The following SPARC variants were observed in gnomAD, a reference collection of about 807,000 sequenced individuals.
SPARC encodes the protein secreted protein acidic and cysteine rich.
SPARC carries 23 observed loss-of-function variants against 37.7 expected under a neutral mutation model. That is an observed-to-expected ratio of 0.61 (90% CI 0.44 to 0.87). The LOEUF is 0.87. SPARC is among the 40% of genes least tolerant of loss of function. The pLI, the probability that SPARC is intolerant of heterozygous loss-of-function variation, is 0.00. For missense variants in SPARC, 312 were observed against 389.0 expected, an observed-to-expected ratio of 0.80 and a Z score of 1.66; for synonymous variants, 155 against 150.8, an observed-to-expected ratio of 1.03 and a Z score of -0.20.
chr5:151,673,249 C>T (rs2113100186), intron 3 of SPARC, 33 bp from the exon 4 acceptor site: 2 of 1,435,360 alleles, frequency 1.4e-6, no homozygotes, highest in Non-Finnish European at 2.0e-6. Context: ...GGTGAAATGG[C>T]CCCACTCCCA....
intron 4 of SPARC, chr5:151,671,958 A>G: frequency 9.0e-6 from 4 of 444,976 alleles, no homozygotes; most frequent in Non-Finnish European, 1.6e-5. Flanking sequence ...TGGGACCCAG[A>G]AACACTAGAT....
In SPARC at chr5:151,667,595, G is replaced by A. The variant is rs1383594863; in HGVS notation, c.457C>T (p.Pro153Ser). ...LDYIGPCKYI[P>S]PCLDSELTEF... ...GTCAGCTCAGAGTCCAGGCAAGGGG[G>A]GATGTCTAGGTTCCAAACACAAGGG... Residue 153 changes from proline to serine, a missense_variant, in exon 7 of 10, where the codon CCC (proline) becomes TCC (serine). Physicochemically the swap from Pro to Ser is moderately conservative, Grantham distance 74. Coordinates refer to ENST00000231061, the MANE Select transcript of SPARC (RefSeq NM_003118.4). 1 of 1,613,932 alleles carries A rather than the reference G, an allele frequency of 6.2e-7. No homozygotes were observed. Among genetic ancestry groups the A allele is most frequent in the Non-Finnish European group, 8.5e-7 (1 of 1,179,990 alleles).
At chr5:151,677,478 G>A (rs1039542822) in intron 1 of SPARC, among the ~76,000 whole-genome samples, 9 of 152,064 alleles carry the variant, frequency 5.9e-5, no homozygotes, top group African/African-American at 1.7e-4. Context: ...GAGGTAACCC[G>A]GCATCATGGA....
intron 3 of SPARC, among the ~76,000 whole-genome samples, chr5:151,674,232 T>C (rs56091317): frequency 0.17 from 26,220 of 151,980 alleles, 4,097 homozygotes; most frequent in African/African-American, 0.42. Context: ...ACACTGGTCT[T>C]GAACTCCTGA....
At chr5:151,675,978 T>C (rs1251492119) in intron 2 of SPARC, among the ~76,000 whole-genome samples, 154 bp downstream of exon 2, 1 of 152,144 alleles carries the variant, frequency 6.6e-6, no homozygotes, top group Non-Finnish European at 1.5e-5. Flanking sequence ...TCCCAGTTTT[T>C]ATCCCGAGCT....
chr5:151,684,956 A>G (rs1457110384), intron 1 of SPARC: 1 of 152,166 alleles, frequency 6.6e-6, no homozygotes, highest in African/African-American at 2.4e-5. Context: ...AGGGCCTAGA[A>G]TTTGCTGCAG....
intron 4 of SPARC, 77 bp from the exon 5 acceptor site, chr5:151,671,771 A>C: frequency 5.2e-4 from 798 of 1,534,682 alleles, no homozygotes; most frequent in Middle Eastern, 6.9e-4. Context: ...GACAGATCTC[A>C]GGGCTGACAG....
intron 1 of SPARC, among the ~76,000 whole-genome samples, chr5:151,682,545 A>C (rs946270368): frequency 1.3e-5 from 2 of 151,932 alleles, no homozygotes; most frequent in Non-Finnish European, 2.9e-5. Flanking sequence ...CAATCGCTTG[A>C]CCTCTTCTCC....
chr5:151,664,012 T>TG, intron 9 of SPARC, 75 bp downstream of exon 9: 3 of 1,544,096 alleles, frequency 1.9e-6, no homozygotes, highest in Middle Eastern at 3.4e-4. Flanking sequence ...GAGCGGAGAG[T>TG]GGGGGGATGA....
At chr5:151,663,629 A>T in intron 9 of SPARC, 30 bp from the exon 10 acceptor site, 2 of 1,613,304 alleles carry the variant, frequency 1.2e-6, no homozygotes, top group Non-Finnish European at 1.7e-6. Flanking sequence ...CACGGTTAAA[A>T]ATAAGGCTGT....
At chr5:151,666,566 C>A in intron 7 of SPARC, 57 bp from the exon 8 acceptor site, 1 of 1,542,226 alleles carries the variant, frequency 6.5e-7, no homozygotes, top group South Asian at 1.2e-5. Context: ...CTGGACCAGT[C>A]GGGCCCTCCC....
rs1405344688 is a variant in SPARC, at chr5:151,663,038, C to G, written c.*533G>C. On this transcript the variant is annotated 3_prime_UTR_variant, in exon 10 of 10. Coordinates refer to ENST00000231061, the MANE Select transcript of SPARC (RefSeq NM_003118.4). ...GTTACAGCCTCAGGCAAACCACGTTCTGGTTGGTGGGTTCTGCAGGGATCT... is the reference window on the plus strand; with the variant it reads ...GTTACAGCCTCAGGCAAACCACGTTGTGGTTGGTGGGTTCTGCAGGGATCT... The G allele has an allele frequency of 6.5e-6, 1 of 152,760 alleles. No homozygotes were observed. The highest frequency in any genetic ancestry group is 1.9e-4 in the East Asian group (1 of 5,204). The allele number at this position is 152,760 out of a possible 1,614,324, so 9.5% of individuals were successfully genotyped here.
chr5:151,676,983 A>G (rs1294955839), intron 1 of SPARC: 1 of 152,256 alleles, frequency 6.6e-6, no homozygotes, highest in Non-Finnish European at 1.5e-5. Flanking sequence ...TACGGAAACC[A>G]TCCAGATGCT....
chr5:151,671,795 C>A lies in SPARC; in HGVS notation c.209-101G>T. On this transcript the variant is annotated intron_variant, in intron 4 of 9. Transcript: ENST00000231061. ...CAGGGCTGACAGTCCTTGACTGTGG[C>A]CCCCACTCTGGGCTTTGGACAGCCC... The A allele has an allele frequency of 2.7e-6, 4 of 1,507,366 alleles. No homozygotes were observed. The Admixed American group carries it at 7.5e-5, about 28-fold the overall frequency. 93.4% of individuals were successfully genotyped at this position (1,507,366 alleles called of 1,614,324 possible). A position where few individuals can be genotyped will look rare whatever the true frequency, so the allele number is the denominator to read the frequency against.
chr5:151,681,931 A>G (rs1366255881), intron 1 of SPARC, among the ~76,000 whole-genome samples: 2 of 152,190 alleles, frequency 1.3e-5, no homozygotes, highest in Admixed American at 6.5e-5. Context: ...ATAAAAGTGG[A>G]GTGGAGCTGA....
rs114744042 is a variant in SPARC, at chr5:151,682,431, T to C, written c.-14+4434A>G. ...ACATCAAAGTGTCCAGGCTATTGCA[T>C]CTGGAAAAGCCTCCGAGATCCCAAA... On this transcript the variant is annotated intron_variant, in intron 1 of 9. Transcript: ENST00000231061. Among the ~76,000 whole-genome samples, 392 of 152,268 alleles carry C rather than the reference T, an allele frequency of 2.6e-3. 1 individual carries two copies. Among genetic ancestry groups the C allele is most frequent in the African/African-American group, 9.3e-3 (387 of 41,562 alleles).
chr5:151,673,966 C>CTGTGTGTGTGTG (rs3138755), intron 3 of SPARC, among the ~76,000 whole-genome samples: 8 of 141,754 alleles, frequency 5.6e-5, no homozygotes, highest in Non-Finnish European at 4.6e-5. Flanking sequence ...CCCCTTTCCT[C>CTGTGTGTGTGTG]TGTGTGTGTG....
chr5:151,674,011 T>TGC (rs1760804649), intron 3 of SPARC, among the ~76,000 whole-genome samples: 1 of 118,622 alleles, frequency 8.4e-6, no homozygotes, highest in African/African-American at 3.0e-5. Context: ...TGTGTGTGCT[T>TGC]GTTTGTTTGT....
At chr5:151,682,220 G>A (rs1172532501) in intron 1 of SPARC, among the ~76,000 whole-genome samples, 1 of 152,164 alleles carries the variant, frequency 6.6e-6, no homozygotes, top group Non-Finnish European at 1.5e-5. Context: ...GAGAGCTTCT[G>A]GGGCAACTCA....
Sources: gnomAD v4.1 joint callset for allele counts (sites outside exome capture counted in the v4.1 genomes callset) on GRCh38, gnomAD v4.1.1 for gene constraint, MANE v1.5 for transcripts, NCBI Gene and HGNC (gene_info 2026-07-23, HGNC 2026-07-21) for gene names.